RSPH6A: variants seen among roughly 807,000 people sequenced by gnomAD.
The protein encoded by RSPH6A is radial spoke head protein 6 homolog A.
RSPH6A carries 49 observed loss-of-function variants against 66.1 expected under a neutral mutation model. The observed-to-expected ratio is 0.74, with a 90% CI of 0.59 to 0.94. The LOEUF is 0.94. Among genes scored for constraint, RSPH6A ranks in the 40% least tolerant of loss-of-function variants. The pLI, the probability that RSPH6A is intolerant of heterozygous loss-of-function variation, is 0.00. For synonymous variants in RSPH6A, 419 were observed against 402.4 expected, an observed-to-expected ratio of 1.04 and a Z score of -0.49; for missense variants, 977 against 948.3, an observed-to-expected ratio of 1.03 and a Z score of -0.40.
Position 45,804,878 on chromosome 19 carries a change from G to A in RSPH6A, c.1027C>T (p.Arg343Cys), listed in dbSNP as rs1271840138. Residue 343 changes from arginine to cysteine, a missense_variant, in exon 3 of 6, where the codon CGC becomes TGC. Physicochemically the swap from Arg to Cys is radical, Grantham distance 180. Transcript: ENST00000221538. This position sits in a 1 kb window ranked among gnomAD's most constrained non-coding sequence, Gnocchi z 5.8. ...ATTCCCAGGATCTTGCCCCAGAAGCGACAGGTGTGGATGGGCTGCTGCTCC... is the reference window on the plus strand; with the variant it reads ...ATTCCCAGGATCTTGCCCCAGAAGCAACAGGTGTGGATGGGCTGCTGCTCC... ...LVEQQPIHTCRFWGKILGIKR... is the reference protein window; with the variant it reads ...LVEQQPIHTCCFWGKILGIKR... The A allele has an allele frequency of 3.1e-6, 5 of 1,614,072 alleles. No individual in the cohort carries two copies. Among genetic ancestry groups the A allele is most frequent in the Admixed American group, 3.3e-5 (2 of 60,000 alleles).
chr19:45,804,664 A>C lies in RSPH6A; in HGVS notation c.1241T>G (p.Ile414Ser), dbSNP rs772756653. 1 of 1,613,948 alleles carries C rather than the reference A, an allele frequency of 6.2e-7. No individual in the cohort carries two copies. Among genetic ancestry groups the C allele is most frequent in the South Asian group, 1.1e-5 (1 of 91,078 alleles). ...GCCTGAGCGGCTCTCCTCCTTGGGG[A>C]TCACGGGCGGCGGCTTCCATACGGA... ...PKSVWKPPPV[I>S]PKEESRSGAN... Residue 414 changes from isoleucine to serine, a missense_variant, in exon 3 of 6, where the codon ATC (isoleucine) becomes AGC (serine). Physicochemically the swap from Ile to Ser is moderately radical, Grantham distance 142. Transcript: ENST00000221538. The surrounding 1 kb of genome is among the most constrained non-coding windows in gnomAD (Gnocchi z 5.8).
rs753566555 is a variant in RSPH6A at position 45,796,094 on chromosome 19, G to A, written c.1929C>T (p.Asn643=). 1.8e-5 allele frequency: 28 copies of A among 1,555,682 alleles called. No homozygotes were observed. The highest frequency in any genetic ancestry group is 2.4e-5 in the Non-Finnish European group (27 of 1,145,604). Reference sequence around the variant, plus strand: ...ACTTGTGACCCCAGCCGATGTAGATGTTCTCAAACTTTCTGGAGAAGCAGT... The same window carrying A: ...ACTTGTGACCCCAGCCGATGTAGATATTCTCAAACTTTCTGGAGAAGCAGT... The part of the protein sequence containing the change: ...YAYASGKKFE[N]IYIGWGHKYS... The change falls in exon 6 of 6, where the codon AAC becomes AAT. Residue 643 remains asparagine (N), a synonymous_variant. Transcript: ENST00000221538.
In RSPH6A at chr19:45,800,571, G is replaced by A. The variant is rs754096909; in HGVS notation, c.1799-8C>T. On this transcript the variant is annotated splice_region_variant and splice_polypyrimidine_tract_variant and intron_variant, in intron 4 of 5. Transcript: ENST00000221538. ...GTGCCAGGTGCATGATTTCTGTGGT[G>A]GAGAGGCAGCAGAGGGGGGCAGCAG... The A allele has an allele frequency of 6.2e-6, 10 of 1,607,498 alleles. No individual in the cohort carries two copies. The highest frequency in any genetic ancestry group is 1.3e-5 in the African/African-American group (1 of 74,756).
intron 3 of RSPH6A, among the ~76,000 whole-genome samples, chr19:45,803,898 C>T (rs1341757427): frequency 2.0e-5 from 3 of 148,906 alleles, no homozygotes; most frequent in African/African-American, 5.0e-5. Flanking sequence ...GAGGCTGAGG[C>T]GGGACAATCG....
intron 5 of RSPH6A, among the ~76,000 whole-genome samples, chr19:45,797,228 A>G (rs1169297574): frequency 6.6e-6 from 1 of 151,354 alleles, no homozygotes; most frequent in Admixed American, 6.6e-5. Context: ...TACAAAAACA[A>G]AATCAGTGGG....
intron 5 of RSPH6A, among the ~76,000 whole-genome samples, chr19:45,799,245 G>A (rs80076445): frequency 0.021 from 3,145 of 150,110 alleles, 54 homozygotes; most frequent in Non-Finnish European, 0.033. Flanking sequence ...CACCTCCAGC[G>A]GCAAACCCCC....
chr19:45,813,278 T>C (rs1209433978), intron 1 of RSPH6A, among the ~76,000 whole-genome samples: 1 of 152,096 alleles, frequency 6.6e-6, no homozygotes, highest in Non-Finnish European at 1.5e-5. Flanking sequence ...ATCTGCAAGA[T>C]GCTCTCCCTC....
intron 2 of RSPH6A, among the ~76,000 whole-genome samples, chr19:45,809,951 C>T (rs1970600510): frequency 6.6e-6 from 1 of 152,122 alleles, no homozygotes; most frequent in South Asian, 2.1e-4. Context: ...TGAGTCATTT[C>T]CTAGAAGCAT....
intron 5 of RSPH6A, among the ~76,000 whole-genome samples, chr19:45,799,954 G>C (rs773954790): frequency 2.6e-4 from 40 of 152,176 alleles, no homozygotes; most frequent in Non-Finnish European, 5.3e-4. Context: ...GGCTGAGGGA[G>C]GAGAATCACT....
intron 3 of RSPH6A, among the ~76,000 whole-genome samples, chr19:45,803,904 A>G (rs1337866405): frequency 6.6e-6 from 1 of 151,504 alleles, no homozygotes; most frequent in Non-Finnish European, 1.5e-5. Flanking sequence ...GAGGCGGGAC[A>G]ATCGCTTGAA....
chr19:45,804,560 T>C lies in RSPH6A; in HGVS notation c.1345A>G (p.Ile449Val). The C allele has an allele frequency of 1.2e-6, 2 of 1,614,198 alleles. No individual in the cohort carries two copies. The highest frequency in any genetic ancestry group is 1.1e-5 in the South Asian group (1 of 91,086). ...TRLPHVTPAQ[I>V]VNARKIKKFF... is the part of the protein sequence containing the mutation. Reference sequence around the variant, plus strand: ...TTCTTGATCTTTCGGGCGTTCACGATCTGGGCTGGAGTGACGTGGGGCAGC... The same window carrying C: ...TTCTTGATCTTTCGGGCGTTCACGACCTGGGCTGGAGTGACGTGGGGCAGC... Residue 449 changes from isoleucine to valine, a missense_variant, in exon 3 of 6, where the codon ATC (isoleucine) becomes GTC (valine). By Grantham distance (29) the Ile-to-Val change is conservative (BLOSUM62 3). Transcript: ENST00000221538. This position sits in a 1 kb window ranked among gnomAD's most constrained non-coding sequence, Gnocchi z 5.8.
In RSPH6A at chr19:45,814,703, A is replaced by G. The variant is rs1206218645; in HGVS notation, c.474T>C (p.Ser158=). 6.2e-7 allele frequency: 1 copy of G among 1,613,008 alleles called. No homozygotes were observed. The change falls in exon 1 of 6, where the codon TCT becomes TCC. Residue 158 remains serine, a synonymous_variant. Transcript: ENST00000221538. ...TGTAAGGCCCGTGCTGGGCACCTTCAGAGAACTGGTCTGTCTGGTAGAGGT... is the reference window on the plus strand; with the variant it reads ...TGTAAGGCCCGTGCTGGGCACCTTCGGAGAACTGGTCTGTCTGGTAGAGGT... ...QFNLYQTDQF[S]EGAQHGPYIR...
intron 1 of RSPH6A, among the ~76,000 whole-genome samples, chr19:45,812,548 A>G (rs1970643600): frequency 6.6e-6 from 1 of 152,112 alleles, no homozygotes; most frequent in Non-Finnish European, 1.5e-5. Context: ...AGGGCTTCTC[A>G]GGAAGAGAGC....
rs45565440 is a variant in RSPH6A at position 45,802,140 on chromosome 19, G to A, written c.1778C>T (p.Thr593Met). The A allele has an allele frequency of 7.8e-5, 121 of 1,544,810 alleles. 1 individual carries two copies. The African/African-American group carries it at 1.3e-3, about 17-fold the overall frequency. ...VEQEVGPPLL[T>M]PLSEDAEIMH... ...CTTACCTGCATCTTCTGAAAGTGGC[G>A]TTAGCAGTGGGGGGCCAACCTCCTG... The change falls in exon 4 of 6, where the codon ACG (threonine) becomes ATG (methionine). Residue 593 changes from threonine to methionine, a missense_variant. Physicochemically the swap from Thr to Met is moderately conservative, Grantham distance 81. Coordinates refer to ENST00000221538, the MANE Select transcript of RSPH6A (RefSeq NM_030785.4).
chr19:45,798,042 G>A (rs1263808310), intron 5 of RSPH6A, among the ~76,000 whole-genome samples: 1 of 152,074 alleles, frequency 6.6e-6, no homozygotes, highest in Non-Finnish European at 1.5e-5. Flanking sequence ...AAGAGGTAGG[G>A]AGAGAGGGAG....
At chr19:45,811,295 A>T (rs1488998896) in intron 1 of RSPH6A, among the ~76,000 whole-genome samples, 1 of 151,588 alleles carries the variant, frequency 6.6e-6, no homozygotes, top group Non-Finnish European at 1.5e-5. Flanking sequence ...CCTTGCCGAC[A>T]TTCTTATGGT....
intron 1 of RSPH6A, among the ~76,000 whole-genome samples, chr19:45,813,579 A>G (rs1017040394): frequency 2.6e-5 from 4 of 152,176 alleles, no homozygotes; most frequent in Non-Finnish European, 5.9e-5. Flanking sequence ...TCCTGACCTC[A>G]GGTGATCCGC....
chr19:45,803,898 C>A (rs1341757427), intron 3 of RSPH6A, among the ~76,000 whole-genome samples: 1 of 148,906 alleles, frequency 6.7e-6, no homozygotes, highest in Non-Finnish European at 1.5e-5. Flanking sequence ...GAGGCTGAGG[C>A]GGGACAATCG....
chr19:45,797,300 A>T (rs1970418565), intron 5 of RSPH6A, among the ~76,000 whole-genome samples: 1 of 150,164 alleles, frequency 6.7e-6, no homozygotes, highest in South Asian at 2.1e-4. Flanking sequence ...GAATGGCGTG[A>T]ACCCTGGGAG....
Sources: allele counts gnomAD v4.1 joint callset (sites outside exome capture counted in the v4.1 genomes callset), GRCh38; gene constraint gnomAD v4.1.1; non-coding constraint Gnocchi (gnomAD v3.1); transcripts MANE v1.5; gene names NCBI Gene and HGNC (gene_info 2026-07-23, HGNC 2026-07-21).